CPVL: variants seen among roughly 807,000 people sequenced by gnomAD.
CPVL encodes probable serine carboxypeptidase CPVL.
A neutral mutation model predicts 63.7 loss-of-function variants in CPVL; 51 were observed. That is an observed-to-expected ratio of 0.80 (90% CI 0.64 to 1.01). CPVL has a LOEUF of 1.01. Among genes scored for constraint, CPVL ranks in the 50% least tolerant of loss-of-function variants. CPVL has a pLI of 0.00. For synonymous variants in CPVL, 195 were observed against 206.0 expected (o/e 0.95, Z 0.46); for missense variants, 530 against 573.1 (o/e 0.92, Z 0.77).
rs1481725811 is a variant in CPVL, at chr7:29,139,160, C to CG, written c.-11+7268dup. On this transcript the variant is annotated intron_variant, in intron 1 of 12. Coordinates refer to ENST00000265394, the MANE Select transcript of CPVL (RefSeq NM_031311.5). ...CCCTATAGTACATTACATTCTAAGA[C>CG]GAGCAGGAAAGGCTCTGCCACAATT... Among the ~76,000 whole-genome samples, 3 of 152,284 alleles carry CG rather than the reference C, an allele frequency of 2.0e-5. No homozygotes were observed. In the East Asian group the frequency reaches 5.8e-4, roughly 29 times the overall value.
upstream of CPVL, chr7:29,146,944 T>C: frequency 1.3e-6 from 2 of 1,551,138 alleles, no homozygotes; most frequent in Non-Finnish European, 1.7e-6. Flanking sequence ...ATGGTCTACA[T>C]TCCAGCTGCA....
intron 3 of CPVL, among the ~76,000 whole-genome samples, chr7:29,103,145 C>T (rs1026663397): frequency 3.3e-4 from 41 of 122,836 alleles, no homozygotes; most frequent in Non-Finnish European, 3.9e-4. Context: ...CTGCTCAGAC[C>T]ATATGCCTAT....
At chr7:28,996,213 T>C (rs1784043521) in intron 12 of CPVL, 1 of 200,518 alleles carries the variant, frequency 5.0e-6, no homozygotes. Context: ...ACTGCAAGTG[T>C]TACCTGGTGA....
intron 7 of CPVL, among the ~76,000 whole-genome samples, chr7:29,083,367 T>C (rs1349252429): frequency 7.2e-5 from 11 of 152,206 alleles, no homozygotes; most frequent in Admixed American, 7.2e-4. Context: ...CCCCCCATCC[T>C]GGTCCCTACC....
intron 3 of CPVL, among the ~76,000 whole-genome samples, chr7:29,097,256 T>C (rs1786532938): frequency 6.6e-6 from 1 of 152,236 alleles, no homozygotes; most frequent in Non-Finnish European, 1.5e-5. Context: ...CCTTTTCAAC[T>C]ATTTCATTCA....
At chr7:28,999,085 G>A (rs1033828067) in intron 12 of CPVL, among the ~76,000 whole-genome samples, 5 of 151,802 alleles carry the variant, frequency 3.3e-5, no homozygotes, top group African/African-American at 4.8e-5. Flanking sequence ...GGTGATGCAC[G>A]CCTGTAATCC....
chr7:29,047,991 C>T (rs1789784205), intron 11 of CPVL, among the ~76,000 whole-genome samples: 1 of 152,228 alleles, frequency 6.6e-6, no homozygotes, highest in South Asian at 2.1e-4. Flanking sequence ...CAAACAGATG[C>T]TGAGAGAATT....
At chr7:29,037,564 AAAAAAAAAG>A (rs1788666389) in intron 11 of CPVL, among the ~76,000 whole-genome samples, 1 of 150,592 alleles carries the variant, frequency 6.6e-6, no homozygotes, top group Admixed American at 6.6e-5. Flanking sequence ...AAAAAAAAAA[AAAAAAAAAG>A]AAAAGAAAAG....
At chr7:29,078,845 C>T (rs73075271) in intron 7 of CPVL, among the ~76,000 whole-genome samples, 16,008 of 152,160 alleles carry the variant, frequency 0.11, 1,040 homozygotes, top group Non-Finnish European at 0.14. Context: ...AGCTTAAACC[C>T]TGATTTTTGT....
chr7:29,112,050 G>A (rs1267700829), intron 3 of CPVL, among the ~76,000 whole-genome samples: 2 of 152,192 alleles, frequency 1.3e-5, no homozygotes, highest in African/African-American at 2.4e-5. Flanking sequence ...AACTACATAG[G>A]ATTGGTGAAG....
intron 1 of CPVL, chr7:29,194,841 A>G (rs1783431481): frequency 2.6e-6 from 3 of 1,150,990 alleles, no homozygotes; most frequent in East Asian, 3.3e-5. Context: ...GGACTTTGCC[A>G]TGGGCTGGGG....
chr7:29,078,224 T>C (rs1784402898), intron 7 of CPVL, among the ~76,000 whole-genome samples: 1 of 152,226 alleles, frequency 6.6e-6, no homozygotes, highest in African/African-American at 2.4e-5. Context: ...CAAAAACATT[T>C]TGATCTATAG....
intron 12 of CPVL, among the ~76,000 whole-genome samples, chr7:29,019,941 T>C (rs1329806871): frequency 6.6e-6 from 1 of 152,226 alleles, no homozygotes; most frequent in Non-Finnish European, 1.5e-5. Flanking sequence ...TTGCTTCTTT[T>C]GTTACTTGTT....
At chr7:29,124,422 T>C (rs889274912) in intron 1 of CPVL, among the ~76,000 whole-genome samples, 4 of 152,068 alleles carry the variant, frequency 2.6e-5, no homozygotes, top group Non-Finnish European at 4.4e-5. Flanking sequence ...AAAATCTGGG[T>C]AAATACAAAA....
At chr7:29,159,485 G>A (rs1244747056) in intron 5 of CPVL, among the ~76,000 whole-genome samples, 1 of 152,198 alleles carries the variant, frequency 6.6e-6, no homozygotes, top group Non-Finnish European at 1.5e-5. Context: ...TTTTTAAAAA[G>A]TAAAGCACTT....
intron 3 of CPVL, among the ~76,000 whole-genome samples, chr7:29,108,032 C>A (rs1379411035): frequency 6.6e-6 from 1 of 152,226 alleles, no homozygotes; most frequent in Non-Finnish European, 1.5e-5. Context: ...ATCTGATCAT[C>A]CTAGTATCTG....
intron 12 of CPVL, among the ~76,000 whole-genome samples, chr7:29,020,671 TA>T (rs1011395335): frequency 1.5e-5 from 2 of 130,580 alleles, no homozygotes; most frequent in Middle Eastern, 3.8e-3. Flanking sequence ...ATGTTGTTTT[TA>T]AAAAAACAAT....
Position 29,123,656 on chromosome 7 carries a change from T to TGC in CPVL, c.-10-2587_-10-2586dup, listed in dbSNP as rs1562780947. On this transcript the variant is annotated intron_variant, in intron 1 of 12. Coordinates refer to ENST00000265394, the MANE Select transcript of CPVL (RefSeq NM_031311.5). ...ATATATATATATATATATATATATA[T>TGC]GCAATATTAAAAAAAAATAATGGAA... Among the ~76,000 whole-genome samples, 171 of 106,242 alleles carry TGC rather than the reference T, an allele frequency of 1.6e-3. 2 individuals carry two copies. The highest frequency in any genetic ancestry group is 2.6e-3 in the Non-Finnish European group (141 of 54,410). 69.7% of individuals were successfully genotyped at this position (106,242 alleles called of 152,430 possible). A position where few individuals can be genotyped will look rare whatever the true frequency, so the allele number is the denominator to read the frequency against.
chr7:29,085,745 T>G (rs1785137859), intron 7 of CPVL, among the ~76,000 whole-genome samples: 1 of 152,230 alleles, frequency 6.6e-6, no homozygotes. Flanking sequence ...ACTGACTTCA[T>G]GTGCCTCCTG....
Sources: gnomAD v4.1 joint callset for allele counts (sites outside exome capture counted in the v4.1 genomes callset) on GRCh38, gnomAD v4.1.1 for gene constraint, MANE v1.5 for transcripts, NCBI Gene and HGNC (gene_info 2026-07-23, HGNC 2026-07-21) for gene names.